DDX60L: variants seen among roughly 807,000 people sequenced by gnomAD.
DDX60L encodes the protein DExD/H-box 60 like.
Under a neutral mutation model 211.6 loss-of-function variants are expected in DDX60L, and 191 were observed. The observed-to-expected ratio is 0.90, with a 90% CI of 0.80 to 1.02. The LOEUF (loss-of-function observed/expected upper bound fraction) is 1.02, where lower values mean the gene tolerates loss of function less well. Ranked by LOEUF, DDX60L falls within the 50% of genes least tolerant of loss-of-function variation. DDX60L has a pLI of 0.00. For missense variants in DDX60L, 2,007 were observed against 1,984.1 expected, an observed-to-expected ratio of 1.01 and a Z score of -0.22; for synonymous variants, 706 against 694.1, an observed-to-expected ratio of 1.02 and a Z score of -0.27.
chr4:168,386,156 G>A (rs1035192334), intron 29 of DDX60L, among the ~76,000 whole-genome samples: 12 of 152,138 alleles, frequency 7.9e-5, no homozygotes, highest in African/African-American at 2.9e-4. Flanking sequence ...AGCCCTGACT[G>A]GGTGGTTTCA....
In DDX60L at chr4:168,404,088, T is replaced by A; in HGVS notation, c.3232A>T (p.Asn1078Tyr). Residue 1078 changes from asparagine to tyrosine, a missense_variant, in exon 25 of 38, where the codon AAC becomes TAC. Asn to Tyr is a moderately radical substitution (Grantham distance 143). Coordinates refer to ENST00000682922, the MANE Select transcript of DDX60L (RefSeq NM_001012967.3). ...QVKKVKRVLK[N>Y]LSPDSLSSSK... ...CTAGACAATGAATCCGGACTAAGGT[T>A]CTTCAGTACTCTTTTGACCTACAAC... The A allele has an allele frequency of 7.2e-7, 1 of 1,398,362 alleles. No individual in the cohort carries two copies. Among genetic ancestry groups the A allele is most frequent in the Non-Finnish European group, 9.4e-7 (1 of 1,063,870 alleles). The allele number at this position is 1,398,362 out of a possible 1,614,324, so 86.6% of individuals were successfully genotyped here.
intron 5 of DDX60L, among the ~76,000 whole-genome samples, chr4:168,459,533 C>T (rs1757022422): frequency 6.6e-6 from 1 of 151,974 alleles, no homozygotes; most frequent in Admixed American, 6.6e-5. Flanking sequence ...GGGTGGATCA[C>T]CTGAGGTCAG....
intron 9 of DDX60L, among the ~76,000 whole-genome samples, chr4:168,444,367 G>T (rs1272262082): frequency 1.8e-5 from 2 of 114,222 alleles, no homozygotes; most frequent in East Asian, 5.3e-4. Flanking sequence ...GGAGCACCAA[G>T]ATTCATAAAG....
At chr4:168,397,859 G>A (rs1746089990) in intron 26 of DDX60L, among the ~76,000 whole-genome samples, 1 of 152,174 alleles carries the variant, frequency 6.6e-6, no homozygotes, top group Non-Finnish European at 1.5e-5. Flanking sequence ...TGACAGGGTG[G>A]GAGACGCCTT....
chr4:168,404,089 C>T lies in DDX60L; in HGVS notation c.3231G>A (p.Lys1077=). 7.2e-7 allele frequency: 1 copy of T among 1,384,462 alleles called. No homozygotes were observed. Among genetic ancestry groups the T allele is most frequent in the African/African-American group, 1.5e-5 (1 of 66,502 alleles). The allele number at this position is 1,384,462 out of a possible 1,614,324, so 85.8% of individuals were successfully genotyped here. A position where few individuals can be genotyped will look rare whatever the true frequency, so the allele number is the denominator to read the frequency against. Residue 1077 remains lysine, a synonymous_variant, in exon 25 of 38, where the codon AAG becomes AAA. Transcript: ENST00000682922. The part of the protein sequence containing the change: ...GQVKKVKRVL[K]NLSPDSLSSS... ...TAGACAATGAATCCGGACTAAGGTT[C>T]TTCAGTACTCTTTTGACCTACAACA...
At chr4:168,463,109 C>T (rs901320403) in intron 4 of DDX60L, among the ~76,000 whole-genome samples, 4 of 152,110 alleles carry the variant, frequency 2.6e-5, no homozygotes, top group African/African-American at 9.7e-5. Flanking sequence ...ATCTACCATT[C>T]GACCCAGCAA....
At chr4:168,394,664 A>C (rs1745462070) in intron 27 of DDX60L, 47 bp from the exon 28 acceptor site, 1 of 1,520,812 alleles carries the variant, frequency 6.6e-7, no homozygotes, top group Non-Finnish European at 8.9e-7. Flanking sequence ...TATTTTATTT[A>C]ATTTCAAGCT....
intron 6 of DDX60L, among the ~76,000 whole-genome samples, chr4:168,457,121 T>C (rs1756669846): frequency 6.6e-6 from 1 of 151,350 alleles, no homozygotes; most frequent in South Asian, 2.1e-4. Context: ...GAGGCTGAGG[T>C]GGGAGGATCA....
chr4:168,425,433 T>C (rs1048654961), intron 14 of DDX60L, among the ~76,000 whole-genome samples: 2 of 152,062 alleles, frequency 1.3e-5, no homozygotes, highest in African/African-American at 4.8e-5. Context: ...AACCACAACT[T>C]GAGGAGGAAT....
chr4:168,479,083 T>A (rs79200810), intron 1 of DDX60L, among the ~76,000 whole-genome samples: 2 of 151,972 alleles, frequency 1.3e-5, no homozygotes, highest in African/African-American at 4.8e-5. Context: ...GATAGACAGA[T>A]GATGGATCGA....
intron 10 of DDX60L, 129 bp from the exon 11 acceptor site, chr4:168,433,244 G>T: frequency 1.6e-6 from 1 of 615,352 alleles, no homozygotes; most frequent in Non-Finnish European, 2.8e-6. Context: ...CCAAGTTAGA[G>T]CTTCCAAATG....
intron 33 of DDX60L, chr4:168,377,960 A>G (rs958133649): frequency 1.3e-5 from 2 of 153,324 alleles, no homozygotes; most frequent in Admixed American, 1.3e-4. Flanking sequence ...GACCACCTCA[A>G]TATTGTCTGA....
At position 168,434,645 on chromosome 4, in the gene DDX60L, A is replaced by G. The variant is rs553139642; in HGVS notation, c.1295-1530T>C. Among the ~76,000 whole-genome samples, 7 of 152,376 alleles carry G rather than the reference A, an allele frequency of 4.6e-5. No homozygotes were observed. The South Asian group carries it at 1.5e-3, about 32-fold the overall frequency. On this transcript the variant is annotated intron_variant, in intron 10 of 37. Coordinates refer to ENST00000682922, the MANE Select transcript of DDX60L (RefSeq NM_001012967.3). ...TTATGGTTACCATAATGGACGGCAA[A>G]GTCAAAGCAATAATCTGAATAGTCT...
chr4:168,373,792 T>C lies in DDX60L; in HGVS notation c.4650A>G (p.Glu1550=), dbSNP rs532225045. ...PLSRIKFTGK[E]CEDSQLVSHL... ...GAGACACGAGTTGGGAGTCTTCACA[T>C]TCTTTACCTGTGAATTCTGACCATT... Residue 1550 remains glutamate, a synonymous_variant, in exon 35 of 38, where the codon GAA becomes GAG. Transcript: ENST00000682922. 15 of 1,613,806 alleles carry C rather than the reference T, an allele frequency of 9.3e-6. No homozygotes were observed. Among genetic ancestry groups the C allele is most frequent in the Non-Finnish European group, 1.3e-5 (15 of 1,179,836 alleles).
chr4:168,380,067 A>C, intron 30 of DDX60L: 1 of 350,720 alleles, frequency 2.9e-6, no homozygotes. Flanking sequence ...CTGGCAAATA[A>C]TCTGCTAAAT....
Position 168,461,841 on chromosome 4 carries a change from G to C in DDX60L, c.464C>G (p.Thr155Arg), listed in dbSNP as rs767852528. The C allele has an allele frequency of 5.0e-6, 8 of 1,608,916 alleles. No individual in the cohort carries two copies. The African/African-American group carries it at 8.0e-5, about 16-fold the overall frequency. ...VSEEGLSDLQTYLFNFLIIHS... is the reference protein window; with the variant it reads ...VSEEGLSDLQRYLFNFLIIHS... ...TATGATTAGGAAGTTAAAAAGGTAC[G>C]TTTGTAAATCACTCAGGCCTTCCTC... Residue 155 changes from threonine (T) to arginine (R), a missense_variant, in exon 5 of 38, where the codon ACG becomes AGG. Coordinates refer to ENST00000682922, the MANE Select transcript of DDX60L (RefSeq NM_001012967.3).
At position 168,419,967 on chromosome 4, in the gene DDX60L, T is replaced by C. The variant is rs185157885; in HGVS notation, c.2514+294A>G. Among the ~76,000 whole-genome samples the C allele has an allele frequency of 1.4e-3, 216 of 152,368 alleles. 2 individuals are homozygous for C. Among genetic ancestry groups the C allele is most frequent in the African/African-American group, 4.9e-3 (204 of 41,598 alleles). On this transcript the variant is annotated intron_variant, in intron 18 of 37. Transcript: ENST00000682922. Reference sequence around the variant, plus strand: ...AAGACAAGGTTGGATAGTCATTTAGTAATGCATTGGGTTTGTCAAATCTAC... The same window carrying C: ...AAGACAAGGTTGGATAGTCATTTAGCAATGCATTGGGTTTGTCAAATCTAC...
In DDX60L at chr4:168,420,386, T is replaced by A. The variant is rs62334143; in HGVS notation, c.2395-6A>T. 0.051 allele frequency: 80,959 copies of A among 1,598,462 alleles called. 2,331 individuals are homozygous for A. Among genetic ancestry groups the A allele is most frequent in the Middle Eastern group, 0.067 (405 of 6,032 alleles). Reference sequence around the variant, plus strand: ...GCCACTTGACCAACAAGGGACTGATTGACAAGAAAAAAAACCATTAGTCAC... The same window carrying A: ...GCCACTTGACCAACAAGGGACTGATAGACAAGAAAAAAAACCATTAGTCAC... On this transcript the variant is annotated splice_region_variant and splice_polypyrimidine_tract_variant and intron_variant, in intron 17 of 37. Transcript: ENST00000682922.
chr4:168,430,492 C>A lies in DDX60L; in HGVS notation c.1663G>T (p.Gly555Cys). The A allele has an allele frequency of 6.3e-7, 1 of 1,596,896 alleles. No individual in the cohort carries two copies. Among genetic ancestry groups the A allele is most frequent in the Admixed American group, 1.8e-5 (1 of 55,484 alleles). Residue 555 changes from glycine (G) to cysteine (C), a missense_variant, in exon 13 of 38, where the codon GGT becomes TGT. Coordinates refer to ENST00000682922, the MANE Select transcript of DDX60L (RefSeq NM_001012967.3). ...RPKEDSSGAS[G>C]EILQNTKPHQ... ...TTGCGATCTACCTGTAATATTTCAC[C>A]ACTGGCACCACTGGAATCCTCCTTT... is the stretch of plus-strand genomic sequence containing the variant.
Sources: allele counts gnomAD v4.1 joint callset (sites outside exome capture counted in the v4.1 genomes callset), GRCh38; gene constraint gnomAD v4.1.1; transcripts MANE v1.5; gene names NCBI Gene and HGNC (gene_info 2026-07-23, HGNC 2026-07-21).